Variants in VCL observed in about 807,000 individuals in gnomAD.
VCL encodes epididymis luminal protein 114.
Under a neutral mutation model 125.7 loss-of-function variants are expected in VCL, and 47 were observed. The observed-to-expected ratio is 0.37, with a 90% CI of 0.30 to 0.48. The LOEUF (loss-of-function observed/expected upper bound fraction) is 0.48, where lower values mean the gene tolerates loss of function less well. VCL is among the 20% of genes least tolerant of loss of function. The pLI is 0.99. For synonymous variants in VCL, 458 were observed against 514.6 expected (o/e 0.89, Z 1.49); for missense variants, 1,069 against 1,455.5 (o/e 0.73, Z 4.32).
intron 10 of VCL, among the ~76,000 whole-genome samples, chr10:74,090,786 CTTTT>C (rs905997933): frequency 3.4e-5 from 5 of 146,674 alleles, no homozygotes; most frequent in Admixed American, 6.8e-5. Flanking sequence ...GGTATTTCCT[CTTTT>C]TTTTTTTATT....
intron 1 of VCL, among the ~76,000 whole-genome samples, chr10:74,024,611 CAAA>C (rs34086598): frequency 7.0e-6 from 1 of 141,996 alleles, no homozygotes. Context: ...CACTCCATCT[CAAA>C]AAAAAAAAAA....
At chr10:74,048,480 AG>A (rs1314545636) in intron 2 of VCL, among the ~76,000 whole-genome samples, 4 of 151,490 alleles carry the variant, frequency 2.6e-5, no homozygotes, top group Admixed American at 2.6e-4. Context: ...AAAAAAAAAA[AG>A]AAAAGAAATC....
intron 2 of VCL, among the ~76,000 whole-genome samples, chr10:74,066,063 T>TATATATATATATATATATA (rs1297685805): frequency 5.2e-5 from 5 of 95,636 alleles, no homozygotes; most frequent in Admixed American, 1.1e-4. Context: ...ATATATATAT[T>TATATATATATATATATATA]TTTTTTTTTT....
chr10:74,079,222 A>G (rs1255950585), intron 6 of VCL, among the ~76,000 whole-genome samples: 1 of 152,188 alleles, frequency 6.6e-6, no homozygotes, highest in Non-Finnish European at 1.5e-5. Context: ...GTTAAGAAGG[A>G]GCATAACATG....
chr10:74,121,253 C>T (rs1026046621), downstream of VCL: 2 of 152,192 alleles, frequency 1.3e-5, no homozygotes, highest in African/African-American at 4.8e-5. Flanking sequence ...TTTCTCAAAT[C>T]AGTTGCCTCT....
chr10:74,024,552 A>G (rs559141079), intron 1 of VCL, among the ~76,000 whole-genome samples: 83 of 152,014 alleles, frequency 5.5e-4, no homozygotes, highest in African/African-American at 2.0e-3. Flanking sequence ...CAGAGGTTGC[A>G]GTGAGCTGAG....
intron 1 of VCL, among the ~76,000 whole-genome samples, chr10:74,023,142 C>T (rs1840703925): frequency 6.6e-6 from 1 of 152,192 alleles, no homozygotes; most frequent in African/African-American, 2.4e-5. Context: ...CCTGCACTGT[C>T]TTTAATGCAG....
Position 74,108,988 on chromosome 10 carries a change from T to C in VCL, c.2577T>C (p.Ala859=). 1 of 1,614,120 alleles carries C rather than the reference T, an allele frequency of 6.2e-7. No homozygotes were observed. The highest frequency in any genetic ancestry group is 1.3e-5 in the African/African-American group (1 of 75,006). ...LEQLRLTDEL[A]PPKPPLPEGE... is the part of the protein sequence containing the mutation. ...TTTTTTAGCTAACAGATGAGCTTGC[T>C]CCTCCCAAACCACCTCTGCCTGAAG... Residue 859 remains alanine, a synonymous_variant, in exon 18 of 22, where the codon GCT becomes GCC. Transcript: ENST00000211998.
chr10:74,033,417 T>C (rs12413620), intron 1 of VCL, among the ~76,000 whole-genome samples: 23,337 of 152,170 alleles, frequency 0.15, 1,876 homozygotes, highest in East Asian at 0.22. Context: ...TCTGGAGTGA[T>C]GAAAATGTTC....
chr10:74,009,279 G>T (rs1463785548), intron 1 of VCL, among the ~76,000 whole-genome samples: 6 of 91,742 alleles, frequency 6.5e-5, no homozygotes, highest in Non-Finnish European at 8.6e-5. Context: ...TTTTTTTTGA[G>T]ACGGAGTCTC....
chr10:74,017,875 A>C (rs1840581262), intron 1 of VCL, among the ~76,000 whole-genome samples: 1 of 151,984 alleles, frequency 6.6e-6, no homozygotes, highest in Admixed American at 6.6e-5. Flanking sequence ...AAATCTGGTG[A>C]AGGCTGGGTA....
At position 74,094,456 on chromosome 10, in the gene VCL, G is replaced by C. The variant is rs1839934789; in HGVS notation, c.1538G>C (p.Gly513Ala). 1 of 1,613,656 alleles carries C rather than the reference G, an allele frequency of 6.2e-7. No homozygotes were observed. The change falls in exon 11 of 22, where the codon GGA becomes GCA. Residue 513 changes from glycine to alanine, a missense_variant. Around this residue, in one of 6 missense-constraint regions of VCL, gnomAD observed 760 missense variants for 928.9 expected, o/e 0.82. Transcript: ENST00000211998. Reference sequence around the variant, plus strand: ...GATAATCCCACAGTGGATGACCGTGGAGTCGGTAAGGGCAGCAGTGCACTA... The same window carrying C: ...GATAATCCCACAGTGGATGACCGTGCAGTCGGTAAGGGCAGCAGTGCACTA... Reference protein sequence around the residue: ...WIDNPTVDDRGVGQAAIRGLV... With the variant: ...WIDNPTVDDRAVGQAAIRGLV...
At chr10:74,035,139 C>T (rs1331524086) in intron 1 of VCL, among the ~76,000 whole-genome samples, 1 of 152,174 alleles carries the variant, frequency 6.6e-6, no homozygotes, top group African/African-American at 2.4e-5. Flanking sequence ...CACAAGTCTT[C>T]TCAGCTTTGT....
In VCL at chr10:74,072,738, A is replaced by G. The variant is rs750701726; in HGVS notation, c.508A>G (p.Lys170Glu). 6.2e-7 allele frequency: 1 copy of G among 1,613,988 alleles called. No homozygotes were observed. The highest frequency in any genetic ancestry group is 8.5e-7 in the Non-Finnish European group (1 of 1,179,932). ...YTKNLGPGMT[K>E]MAKMIDERQQ... is the part of the protein sequence containing the mutation. ...TCTTCTTTGTGCCCCAGGAATGACT[A>G]AGATGGCCAAGATGATTGACGAGAG... Residue 170 changes from lysine to glutamate, a missense_variant, in exon 5 of 22, where the codon AAG becomes GAG. Lys to Glu is a moderately conservative substitution (Grantham distance 56). This residue lies in a region of VCL where 760 missense variants were observed against 928.9 expected (regional missense o/e 0.82). Transcript: ENST00000211998.
intron 18 of VCL, among the ~76,000 whole-genome samples, chr10:74,110,232 GA>G (rs1840199885): frequency 2.0e-5 from 3 of 152,096 alleles, no homozygotes; most frequent in Non-Finnish European, 4.4e-5. Context: ...GGGTGACAGT[GA>G]AGATTTTAAA....
rs1306047972 is a variant in VCL, at chr10:74,118,395, C to G, written c.*226C>G. On this transcript the variant is annotated 3_prime_UTR_variant, in exon 22 of 22. Coordinates refer to ENST00000211998, the MANE Select transcript of VCL (RefSeq NM_014000.3). ...AAGCCTGTATTCTCAAACACAGTTA[C>G]ACTTGTGCACCCTCTATCCCAATAG... 1 of 591,362 alleles carries G rather than the reference C, an allele frequency of 1.7e-6. No individual in the cohort carries two copies. The highest frequency in any genetic ancestry group is 2.7e-5 in the Admixed American group (1 of 37,372). The allele number at this position is 591,362 out of a possible 1,614,324, so 36.6% of individuals were successfully genotyped here.
intron 1 of VCL, among the ~76,000 whole-genome samples, chr10:74,040,415 C>CT (rs1454893950): frequency 6.6e-6 from 1 of 152,330 alleles, no homozygotes; most frequent in African/African-American, 2.4e-5. Context: ...CGCTTGCTCT[C>CT]TGTGTCTGTG....
At chr10:74,089,492 C>T in intron 9 of VCL, 143 bp downstream of exon 9, 2 of 1,158,152 alleles carry the variant, frequency 1.7e-6, no homozygotes, top group Non-Finnish European at 2.5e-6. Context: ...CCAGCACTTA[C>T]CAATGTTAAC....
At chr10:74,014,008 C>A (rs1222505552) in intron 1 of VCL, among the ~76,000 whole-genome samples, 2 of 152,140 alleles carry the variant, frequency 1.3e-5, no homozygotes, top group African/African-American at 2.4e-5. Flanking sequence ...TACAGTTTTA[C>A]CAACTGTGGG....
Sources: allele counts gnomAD v4.1 joint callset (sites outside exome capture counted in the v4.1 genomes callset), GRCh38; gene constraint gnomAD v4.1.1; regional missense constraint gnomAD v4.1.1; transcripts MANE v1.5; gene names NCBI Gene and HGNC (gene_info 2026-07-23, HGNC 2026-07-21).